The following RIMS2 variants were observed in gnomAD, a reference collection of about 807,000 sequenced individuals.
RIMS2 encodes regulating synaptic membrane exocytosis 2, also known as regulating synaptic membrane exocytosis protein 2.
A neutral mutation model predicts 174.4 loss-of-function variants in RIMS2; 59 were observed. The ratio of observed to expected loss-of-function variants is 0.34; its 90% confidence interval spans 0.27 to 0.42. The LOEUF is 0.42. RIMS2 is among the 10% of genes least tolerant of loss of function. The pLI is 1.00. For synonymous variants in RIMS2, 606 were observed against 572.5 expected, an observed-to-expected ratio of 1.06 and a Z score of -0.84; for missense variants, 1,620 against 1,666.3, an observed-to-expected ratio of 0.97 and a Z score of 0.48.
At chr8:104,093,599 C>CAT (rs754420138) in intron 19 of RIMS2, 1 of 1,597,498 alleles carries the variant, frequency 6.3e-7, no homozygotes, top group Admixed American at 1.7e-5. Context: ...GCACAAGCTA[C>CAT]ATGTCTGTCC....
At chr8:103,577,095 A>G (rs555762783) in intron 1 of RIMS2, among the ~76,000 whole-genome samples, 131 of 152,364 alleles carry the variant, frequency 8.6e-4, no homozygotes, top group South Asian at 2.9e-3. Context: ...TAAACTAAAG[A>G]GCTTCTTCAC....
intron 19 of RIMS2, among the ~76,000 whole-genome samples, chr8:104,190,697 C>T (rs895664088): frequency 6.6e-6 from 1 of 152,066 alleles, no homozygotes; most frequent in African/African-American, 2.4e-5. Context: ...TCCTCTTTCC[C>T]TATAGATATG....
chr8:103,638,573 T>G (rs1448467142), intron 1 of RIMS2, among the ~76,000 whole-genome samples: 1 of 152,074 alleles, frequency 6.6e-6, no homozygotes, highest in Non-Finnish European at 1.5e-5. Context: ...TAGTTCCAGC[T>G]TTGGCCATTG....
chr8:103,942,910 A>C (rs542126102), exon 14 of RIMS2: 1 of 1,605,660 alleles, frequency 6.2e-7, no homozygotes, highest in Non-Finnish European at 8.5e-7. Context: ...GAGAGAGCCC[A>C]ACACGGAGGT....
intron 19 of RIMS2, chr8:104,223,875 A>C: frequency 1.7e-6 from 2 of 1,158,370 alleles, no homozygotes; most frequent in East Asian, 2.6e-5. Flanking sequence ...GGCAGAGAGA[A>C]CTCCACGTAG....
chr8:103,556,701 T>C (rs924818473), intron 1 of RIMS2, among the ~76,000 whole-genome samples: 2 of 152,162 alleles, frequency 1.3e-5, no homozygotes, highest in Non-Finnish European at 2.9e-5. Context: ...TTCTTTATAA[T>C]ATTGAGAAGC....
intron 3 of RIMS2, among the ~76,000 whole-genome samples, chr8:103,812,849 A>C (rs946961549): frequency 2.0e-5 from 3 of 152,216 alleles, no homozygotes; most frequent in Non-Finnish European, 2.9e-5. Flanking sequence ...TGCAAAATAC[A>C]TGAAGATACT....
At chr8:103,988,835 T>C (rs2094518912) in intron 16 of RIMS2, among the ~76,000 whole-genome samples, 1 of 152,152 alleles carries the variant, frequency 6.6e-6, no homozygotes, top group East Asian at 1.9e-4. Flanking sequence ...TGGCGCAAAG[T>C]GTGCAAATTT....
intron 1 of RIMS2, among the ~76,000 whole-genome samples, chr8:103,580,058 G>A (rs181474094): frequency 6.6e-5 from 10 of 152,146 alleles, no homozygotes; most frequent in Admixed American, 3.9e-4. Flanking sequence ...ATTACAATTC[G>A]ACATGAGATT....
At chr8:104,252,024 T>C (rs2099360648), downstream of RIMS2, 2 of 574,914 alleles carry the variant, frequency 3.5e-6, no homozygotes, top group Non-Finnish European at 6.2e-6. Context: ...AGCAGAGCTG[T>C]GAAGAACTAT....
intron 19 of RIMS2, among the ~76,000 whole-genome samples, chr8:104,202,319 T>C (rs1404575464): frequency 6.6e-6 from 1 of 152,216 alleles, no homozygotes; most frequent in Non-Finnish European, 1.5e-5. Flanking sequence ...AGACGTGGTA[T>C]ATTAGGACAG....
intron 19 of RIMS2, among the ~76,000 whole-genome samples, chr8:104,058,646 G>C (rs1406997789): frequency 1.3e-5 from 2 of 151,800 alleles, no homozygotes; most frequent in Non-Finnish European, 2.9e-5. Context: ...CCTTGCCCAT[G>C]CCTGTGTCCT....
At chr8:104,158,301 T>G (rs978553247) in intron 19 of RIMS2, among the ~76,000 whole-genome samples, 1 of 152,234 alleles carries the variant, frequency 6.6e-6, no homozygotes, top group African/African-American at 2.4e-5. Flanking sequence ...CTATTATTGA[T>G]GGACCTTTGG....
chr8:103,644,098 A>G (rs910443443), intron 1 of RIMS2, among the ~76,000 whole-genome samples: 3 of 151,872 alleles, frequency 2.0e-5, no homozygotes, highest in Non-Finnish European at 4.4e-5. Context: ...TGGAGCTTCT[A>G]GAGATAATAC....
downstream of RIMS2, chr8:104,253,764 C>G (rs1292219475): frequency 6.6e-6 from 1 of 152,144 alleles, no homozygotes; most frequent in Non-Finnish European, 1.5e-5. Flanking sequence ...CCACATACAT[C>G]TCATTTGTTT....
chr8:103,889,839 A>T (rs990032763), intron 4 of RIMS2, among the ~76,000 whole-genome samples: 1 of 151,912 alleles, frequency 6.6e-6, no homozygotes, highest in African/African-American at 2.4e-5. Context: ...GATGCTGCTA[A>T]TTACAATGAC....
chr8:103,693,898 A>G (rs1418425071), intron 1 of RIMS2, among the ~76,000 whole-genome samples: 2 of 152,202 alleles, frequency 1.3e-5, no homozygotes, highest in Admixed American at 6.5e-5. Flanking sequence ...AGCCTGTGTC[A>G]GGAGGGGCTG....
chr8:104,028,923 A>G (rs2096317976), intron 19 of RIMS2, among the ~76,000 whole-genome samples: 1 of 152,242 alleles, frequency 6.6e-6, no homozygotes, highest in South Asian at 2.1e-4. Flanking sequence ...AATGGTTACT[A>G]CATAGGCAGA....
At chr8:103,616,417 T>G (rs541081161) in intron 1 of RIMS2, among the ~76,000 whole-genome samples, 1 of 152,318 alleles carries the variant, frequency 6.6e-6, no homozygotes, top group East Asian at 1.9e-4. Flanking sequence ...AACATTATAT[T>G]GAATGGACAA....
Sources: gnomAD v4.1 joint callset for allele counts (sites outside exome capture counted in the v4.1 genomes callset) on GRCh38, gnomAD v4.1.1 for gene constraint, MANE v1.5 for transcripts, NCBI Gene and HGNC (gene_info 2026-07-23, HGNC 2026-07-21) for gene names.